The following OLAH variants were observed in gnomAD, a reference collection of about 807,000 sequenced individuals.
OLAH encodes the protein oleoyl-ACP hydrolase, also known as S-acyl fatty acid synthase thioesterase, medium chain.
OLAH carries 33 observed loss-of-function variants against 27.8 expected under a neutral mutation model. The observed-to-expected ratio is 1.19, with a 90% CI of 0.90 to 1.59. The LOEUF is 1.59. Ranked by LOEUF, OLAH falls within the 40% of genes most tolerant of loss-of-function variation. The pLI is 0.00. For synonymous variants in OLAH, 120 were observed against 102.9 expected, an observed-to-expected ratio of 1.17 and a Z score of -1.01; for missense variants, 359 against 310.8, an observed-to-expected ratio of 1.16 and a Z score of -1.17.
At chr10:15,038,809 T>C (rs1843879406) in intron 1 of OLAH, 1 of 152,192 alleles carries the variant, frequency 6.6e-6, no homozygotes, top group Non-Finnish European at 1.5e-5. Context: ...TAAAACTCAC[T>C]GGGAGGGCAT....
chr10:15,073,277 T>A lies in OLAH; in HGVS notation c.*48T>A, dbSNP rs1554815860. 8.0e-7 allele frequency: 1 copy of A among 1,248,048 alleles called. No homozygotes were observed. Among genetic ancestry groups the A allele is most frequent in the East Asian group, 2.4e-5 (1 of 42,338 alleles). 77.3% of individuals were successfully genotyped at this position (1,248,048 alleles called of 1,614,324 possible). A position where few individuals can be genotyped will look rare whatever the true frequency, so the allele number is the denominator to read the frequency against. On this transcript the variant is annotated 3_prime_UTR_variant, in exon 8 of 8. Transcript: ENST00000378228. ...AATAATCAAAGTAATATCATACTCT[T>A]CTCAGTTATTCAGATATAGCTCAGT...
intron 2 of OLAH, among the ~76,000 whole-genome samples, chr10:15,047,894 C>CA (rs1474778789): frequency 6.6e-6 from 1 of 152,058 alleles, no homozygotes; most frequent in Admixed American, 6.6e-5. Flanking sequence ...TTATGAAGAA[C>CA]AAAGTACCCT....
At chr10:15,065,416 C>G in intron 5 of OLAH, 168 bp from the exon 6 acceptor site, 1 of 627,848 alleles carries the variant, frequency 1.6e-6, no homozygotes, top group Non-Finnish European at 2.6e-6. Context: ...GATGAGCCTT[C>G]TTCTCCCTAC....
At chr10:15,059,770 C>T (rs773776337) in intron 3 of OLAH, among the ~76,000 whole-genome samples, 13 of 152,236 alleles carry the variant, frequency 8.5e-5, no homozygotes, top group Non-Finnish European at 1.5e-4. Context: ...GGCACCACTA[C>T]AATCCAGCCT....
intron 3 of OLAH, among the ~76,000 whole-genome samples, chr10:15,059,486 A>G (rs2131364467): frequency 6.6e-6 from 1 of 151,540 alleles, no homozygotes; most frequent in South Asian, 2.1e-4. Context: ...CGCACCTGGC[A>G]GGCTTGAACA....
upstream of OLAH, among the ~76,000 whole-genome samples, chr10:15,043,205 C>G (rs1396435619): frequency 4.6e-5 from 7 of 151,976 alleles, no homozygotes; most frequent in Non-Finnish European, 1.0e-4. Context: ...TGTGCCTTAG[C>G]TTTTTTTAAT....
At chr10:15,052,205 C>T (rs956420554) in intron 3 of OLAH, among the ~76,000 whole-genome samples, 1 of 152,110 alleles carries the variant, frequency 6.6e-6, no homozygotes, top group African/African-American at 2.4e-5. Flanking sequence ...ACCGCTTGAA[C>T]CTGGGAGGCG....
chr10:15,061,695 C>A, intron 3 of OLAH, 29 bp from the exon 4 acceptor site: 16 of 1,568,528 alleles, frequency 1.0e-5, no homozygotes, highest in Non-Finnish European at 1.4e-5. Flanking sequence ...ACTGTCTGTG[C>A]GTGTTCACTT....
At chr10:15,037,833 T>C (rs1352754282) in intron 1 of OLAH, among the ~76,000 whole-genome samples, 1 of 152,224 alleles carries the variant, frequency 6.6e-6, no homozygotes, top group African/African-American at 2.4e-5. Flanking sequence ...TAAGCTCTGT[T>C]CTTTATGTAA....
intron 3 of OLAH, among the ~76,000 whole-genome samples, chr10:15,052,789 CCGG>C (rs1844171784): frequency 8.1e-6 from 1 of 123,934 alleles, no homozygotes; most frequent in Non-Finnish European, 1.7e-5. Context: ...AGGCCCCAGG[CCGG>C]AGTGCAGTGG....
chr10:15,061,973 A>T, intron 4 of OLAH, 111 bp downstream of exon 4: 1 of 971,682 alleles, frequency 1.0e-6, no homozygotes. Flanking sequence ...TTGGTTAGAC[A>T]GCATGTTAGG....
intron 1 of OLAH, among the ~76,000 whole-genome samples, chr10:15,034,106 T>A (rs1017629132): frequency 2.7e-5 from 3 of 111,648 alleles, no homozygotes; most frequent in Non-Finnish European, 5.8e-5. Context: ...TCCACCATTT[T>A]TTTTTTTTCT....
chr10:15,067,171 T>C (rs978657576), intron 6 of OLAH, among the ~76,000 whole-genome samples: 1 of 152,164 alleles, frequency 6.6e-6, no homozygotes, highest in Admixed American at 6.6e-5. Flanking sequence ...TAAAACAAAA[T>C]TGAAAAAACT....
intron 2 of OLAH, 94 bp from the exon 3 acceptor site, chr10:15,049,541 A>C: frequency 1.2e-6 from 1 of 857,542 alleles, no homozygotes; most frequent in Non-Finnish European, 1.7e-6. Flanking sequence ...TGTTTCTTAT[A>C]ATTAATAAAG....
At chr10:15,044,476 A>G (rs1408822363) in intron 1 of OLAH, among the ~76,000 whole-genome samples, 1 of 151,098 alleles carries the variant, frequency 6.6e-6, no homozygotes, top group Admixed American at 6.6e-5. Context: ...AAATTTTGAG[A>G]TAGAGTTTTT....
chr10:15,033,469 A>G (rs936091467), intron 1 of OLAH, among the ~76,000 whole-genome samples: 7 of 152,126 alleles, frequency 4.6e-5, no homozygotes, highest in African/African-American at 1.7e-4. Context: ...GAGAAGGAGG[A>G]GAGAGGAAGA....
intron 3 of OLAH, among the ~76,000 whole-genome samples, chr10:15,059,334 G>A (rs1042865899): frequency 3.3e-5 from 5 of 150,006 alleles, no homozygotes; most frequent in African/African-American, 1.2e-4. Context: ...CTACAGATGT[G>A]CACCACCACA....
chr10:15,065,478 TC>T, intron 5 of OLAH, 105 bp from the exon 6 acceptor site: 1 of 1,226,046 alleles, frequency 8.2e-7, no homozygotes. Flanking sequence ...GCAGTCTACT[TC>T]CCAGCCTTGG....
Position 15,035,831 on chromosome 10 carries a change from C to T in OLAH, c.-164+3481C>T, listed in dbSNP as rs534811985. Reference sequence around the variant, plus strand: ...TCCACCTTAGAAAAAGATCAAATCACAGAGCGTCAAACAAAAAGAGCCTGA... The same window carrying T: ...TCCACCTTAGAAAAAGATCAAATCATAGAGCGTCAAACAAAAAGAGCCTGA... On this transcript the variant is annotated intron_variant, in intron 1 of 3. Transcript: ENST00000413672. 4.6e-5 allele frequency among the ~76,000 whole-genome samples: 7 copies of T among 152,270 alleles called. No homozygotes were observed. In the East Asian group the frequency reaches 1.4e-3, roughly 29 times the overall value.
Sources: gnomAD v4.1 joint callset for allele counts (sites outside exome capture counted in the v4.1 genomes callset) on GRCh38, gnomAD v4.1.1 for gene constraint, MANE v1.5 for transcripts, NCBI Gene and HGNC (gene_info 2026-07-23, HGNC 2026-07-21) for gene names.